TJP1: variants seen among roughly 807,000 people sequenced by gnomAD.
TJP1 encodes tight junction protein ZO-1.
Under a neutral mutation model 194.2 loss-of-function variants are expected in TJP1, and 43 were observed. The ratio of observed to expected loss-of-function variants is 0.22; its 90% CI spans 0.17 to 0.29. TJP1 has a LOEUF of 0.29. Among genes scored for constraint, TJP1 ranks in the 10% least tolerant of loss-of-function variants. TJP1 has a pLI of 1.00. For synonymous variants in TJP1, 801 were observed against 779.0 expected (o/e 1.03, Z -0.47); for missense variants, 1,971 against 2,185.7 (o/e 0.90, Z 1.96).
chr15:29,785,680 C>T (rs1013148051), intron 2 of TJP1, among the ~76,000 whole-genome samples: 5 of 152,050 alleles, frequency 3.3e-5, no homozygotes, highest in Admixed American at 3.3e-4. Context: ...TATAACTTTC[C>T]TCACTAATTC....
At chr15:29,790,101 T>C (rs1366695452) in intron 2 of TJP1, among the ~76,000 whole-genome samples, 1 of 152,212 alleles carries the variant, frequency 6.6e-6, no homozygotes, top group Middle Eastern at 3.2e-3. Flanking sequence ...CGTTTGCCTG[T>C]TGTCTATGGT....
rs1228378670 is a variant in TJP1 at position 29,956,329 on chromosome 15, G to T, written c.209C>A (p.Thr70Asn). The change falls in exon 2 of 29, where the codon ACT (threonine) becomes AAT (asparagine). Residue 70 changes from threonine (T) to asparagine (N), a missense_variant. By Grantham distance (65) the Thr-to-Asn change is moderately conservative. Coordinates refer to the TJP1 transcript ENST00000356107. The stretch of plus-strand genomic sequence containing the variant: ...GGGTTTTCCTTGGCTGACACTAGAA[G>T]TAGCACCATTAGGATTTTCAGAGGA... The T allele has an allele frequency of 2.2e-5, 29 of 1,288,982 alleles. No homozygotes were observed. The East Asian group carries it at 1.2e-3, about 52-fold the overall frequency. The allele number at this position is 1,288,982 out of a possible 1,614,324, so 79.8% of individuals were successfully genotyped here.
chr15:29,832,936 C>A (rs1404852304), intron 2 of TJP1, among the ~76,000 whole-genome samples: 1 of 152,174 alleles, frequency 6.6e-6, no homozygotes, highest in Non-Finnish European at 1.5e-5. Context: ...TGTGAGAGGC[C>A]GCCTAGCTTT....
chr15:29,739,667 A>C (rs991359136), intron 10 of TJP1, among the ~76,000 whole-genome samples: 1 of 151,916 alleles, frequency 6.6e-6, no homozygotes, highest in East Asian at 2.0e-4. Flanking sequence ...GGATGGTCTC[A>C]ATCTCCTGAC....
chr15:29,839,647 T>C (rs1011664911), intron 2 of TJP1, among the ~76,000 whole-genome samples: 15 of 152,092 alleles, frequency 9.9e-5, no homozygotes, highest in Admixed American at 6.6e-4. Context: ...TCTCTAAAAA[T>C]ATAAATAATA....
Position 29,710,936 on chromosome 15 carries a change from G to A in TJP1, c.4267C>T (p.Gln1423Ter). The change falls in exon 24 of 28, where the codon CAG becomes TAG. Residue 1423 changes from glutamine (Q) to a stop codon, truncating the protein, a stop_gained. Transcript: ENST00000614355. LOFTEE classifies it high-confidence loss of function. ...SFGEKRYEPIQATPPPPPLPS... is the reference protein window; with the variant it reads ...SFGEKRYEPI The stretch of plus-strand genomic sequence containing the variant: ...AATGGAGGAGGAGGGGGAGTGGCCT[G>A]GATGGGTTCATAGCGTTTCTCGCCA... 1 of 1,614,128 alleles carries A rather than the reference G, an allele frequency of 6.2e-7. No homozygotes were observed. The highest frequency in any genetic ancestry group is 8.5e-7 in the Non-Finnish European group (1 of 1,180,030).
At chr15:29,806,771 A>G (rs1245585781) in intron 1 of TJP1, among the ~76,000 whole-genome samples, 1 of 152,240 alleles carries the variant, frequency 6.6e-6, no homozygotes, top group East Asian at 1.9e-4. Flanking sequence ...GATCACTGCA[A>G]CACAAATGAA....
intron 10 of TJP1, chr15:29,741,123 A>C (rs1055703154): frequency 1.9e-5 from 8 of 428,746 alleles, no homozygotes; most frequent in Non-Finnish European, 2.9e-5. Flanking sequence ...GCGGTGAGAA[A>C]GAAAGCATCC....
At chr15:29,830,164 G>C (rs1410851643) in intron 2 of TJP1, among the ~76,000 whole-genome samples, 6 of 151,868 alleles carry the variant, frequency 4.0e-5, no homozygotes, top group Admixed American at 3.9e-4. Context: ...AAGTGGCACT[G>C]TAAAAAAATC....
chr15:29,822,436 T>A lies in TJP1; in HGVS notation c.-408A>T, dbSNP rs1080529. ...GGCCGCCAAGGAACGCGGCGTCCGC[T>A]GGCTCAGCCGGCGCCGGCAACTCAG... On this transcript the variant is annotated 5_prime_UTR_variant, in exon 1 of 28. Transcript: ENST00000614355. 1 of 987,698 alleles carries A rather than the reference T, an allele frequency of 1.0e-6. No homozygotes were observed. The highest frequency in any genetic ancestry group is 1.2e-6 in the Non-Finnish European group (1 of 831,674). The allele number at this position is 987,698 out of a possible 1,614,324, so 61.2% of individuals were successfully genotyped here. A position where few individuals can be genotyped will look rare whatever the true frequency, so the allele number is the denominator to read the frequency against.
intron 2 of TJP1, among the ~76,000 whole-genome samples, chr15:29,858,384 G>A (rs2051943651): frequency 1.3e-5 from 2 of 152,048 alleles, no homozygotes; most frequent in Admixed American, 1.3e-4. Context: ...CTAGGCAACA[G>A]AGCCAGAACT....
chr15:29,763,222 G>GC (rs1267889794), intron 5 of TJP1, among the ~76,000 whole-genome samples: 1 of 152,150 alleles, frequency 6.6e-6, no homozygotes, highest in Non-Finnish European at 1.5e-5. Context: ...AGGAATGTTG[G>GC]AAGTTGAGGA....
chr15:29,768,625 T>C (rs145387052), intron 4 of TJP1, among the ~76,000 whole-genome samples: 37 of 152,228 alleles, frequency 2.4e-4, no homozygotes, highest in African/African-American at 8.9e-4. Flanking sequence ...CCACTAAGAT[T>C]TGAGTTTTTT....
intron 8 of TJP1, among the ~76,000 whole-genome samples, chr15:29,758,185 G>A (rs1246844019): frequency 6.6e-6 from 1 of 152,098 alleles, no homozygotes; most frequent in African/African-American, 2.4e-5. Flanking sequence ...AAGTTTTTGG[G>A]AAGTTAAAAA....
At chr15:29,881,938 TATATATAG>T (rs1333427040) in intron 2 of TJP1, among the ~76,000 whole-genome samples, 1 of 150,486 alleles carries the variant, frequency 6.6e-6, no homozygotes, top group Non-Finnish European at 1.5e-5. Flanking sequence ...TATAAAGATA[TATATATAG>T]ATATATATAG....
intron 2 of TJP1, among the ~76,000 whole-genome samples, chr15:29,849,185 C>T (rs57236653): frequency 0.045 from 6,883 of 152,072 alleles, 540 homozygotes; most frequent in African/African-American, 0.16. Flanking sequence ...ATTTTCTTCA[C>T]GAAATCTACA....
At chr15:29,822,911 T>G (rs1428678496), upstream of TJP1, 1 of 152,236 alleles carries the variant, frequency 6.6e-6, no homozygotes, top group African/African-American at 2.4e-5. Context: ...TCGGCGTTGT[T>G]CCCACGGAAG....
Position 29,732,703 on chromosome 15 carries a change from T to C in TJP1, c.1849A>G (p.Ser617Gly). The C allele has an allele frequency of 6.2e-7, 1 of 1,614,218 alleles. No homozygotes were observed. The highest frequency in any genetic ancestry group is 8.5e-7 in the Non-Finnish European group (1 of 1,180,036). Residue 617 changes from serine (S) to glycine (G), a missense_variant, in exon 14 of 28, where the codon AGC (serine) becomes GGC (glycine). By Grantham distance (56) the Ser-to-Gly change is moderately conservative. Around this residue, in one of 5 missense-constraint regions of TJP1, gnomAD observed 402 missense variants for 484.2 expected, o/e 0.83. Transcript: ENST00000614355. ...GGCTGAGCGGACAAATCCTCTCTGC[T>C]TTTTCGAAGATTTCTCTTGGAGCTG... ...LRSSKRNLRK[S>G]REDLSAQPVQ...
chr15:29,861,841 T>C (rs1432471602), intron 2 of TJP1, among the ~76,000 whole-genome samples: 6 of 152,220 alleles, frequency 3.9e-5, no homozygotes, highest in Non-Finnish European at 8.8e-5. Context: ...GTTTTAAATA[T>C]TGATGAAGCT....
Sources: gnomAD v4.1 joint callset for allele counts (sites outside exome capture counted in the v4.1 genomes callset) on GRCh38, gnomAD v4.1.1 for gene constraint, gnomAD v4.1.1 regional missense constraint, MANE v1.5 for transcripts, NCBI Gene and HGNC (gene_info 2026-07-23, HGNC 2026-07-21) for gene names.